The following SYTL2 variants were observed in gnomAD, a reference collection of about 807,000 sequenced individuals.
SYTL2 encodes synaptotagmin like 2.
SYTL2 carries 165 observed loss-of-function variants against 198.7 expected under a neutral mutation model. The ratio of observed to expected loss-of-function variants is 0.83; its 90% confidence interval spans 0.73 to 0.94. The LOEUF is 0.94. Ranked by LOEUF, SYTL2 falls within the 40% of genes least tolerant of loss-of-function variation. SYTL2 has a pLI of 0.00. For synonymous variants in SYTL2, 966 were observed against 917.7 expected (o/e 1.05, Z -0.95); for missense variants, 2,835 against 2,582.8 (o/e 1.10, Z -2.12).
intron 1 of SYTL2, among the ~76,000 whole-genome samples, chr11:85,763,226 A>G (rs2092146900): frequency 6.6e-6 from 1 of 152,220 alleles, no homozygotes; most frequent in Admixed American, 6.5e-5. Context: ...ACAAAGAAGG[A>G]TAAGGAGCAG....
At chr11:85,837,822 C>A in the SYTL2 span, among the ~76,000 whole-genome samples, 1 of 152,250 alleles carries the variant, frequency 6.6e-6, no homozygotes, top group African/African-American at 2.4e-5. Context: ...TTTCTGCAAT[C>A]CCACAATGAT....
intron 7 of SYTL2, among the ~76,000 whole-genome samples, chr11:85,733,205 TA>T (rs1254420002): frequency 1.3e-5 from 2 of 152,216 alleles, no homozygotes; most frequent in African/African-American, 4.8e-5. Flanking sequence ...CTCTTGAGAT[TA>T]CAAGAGAAAC....
intron 9 of SYTL2, chr11:85,719,240 C>T: frequency 2.5e-6 from 3 of 1,194,870 alleles, no homozygotes; most frequent in South Asian, 1.6e-5. Context: ...TGTGTGTGTG[C>T]ATCATCATTC....
chr11:85,842,630 T>C, the SYTL2 span, among the ~76,000 whole-genome samples: 6 of 152,216 alleles, frequency 3.9e-5, no homozygotes, highest in Non-Finnish European at 8.8e-5. Context: ...AGGGTGTTTT[T>C]GGGGGAACCC....
chr11:85,719,455 C>A, intron 9 of SYTL2: 1 of 376,870 alleles, frequency 2.7e-6, no homozygotes, highest in Non-Finnish European at 3.7e-6. Flanking sequence ...ATGGAAATAG[C>A]CCCATGTTTC....
At chr11:85,807,375 T>C (rs2092971888) in intron 1 of SYTL2, among the ~76,000 whole-genome samples, 1 of 152,268 alleles carries the variant, frequency 6.6e-6, no homozygotes, top group Admixed American at 6.5e-5. Flanking sequence ...GATAATGTTT[T>C]ATTGCCTCTA....
intron 15 of SYTL2, among the ~76,000 whole-genome samples, chr11:85,707,121 G>A (rs896588771): frequency 3.3e-5 from 5 of 152,138 alleles, no homozygotes; most frequent in African/African-American, 7.2e-5. Flanking sequence ...GATTACAGGC[G>A]TGAACCACCT....
chr11:85,853,047 A>C, the SYTL2 span: 1 of 297,228 alleles, frequency 3.4e-6, no homozygotes, highest in Admixed American at 5.1e-5. Flanking sequence ...GGAAGTGAGG[A>C]GCGCCTCCGC....
At chr11:85,815,894 T>C (rs2093060678), upstream of SYTL2, among the ~76,000 whole-genome samples, 1 of 152,210 alleles carries the variant, frequency 6.6e-6, no homozygotes, top group Admixed American at 6.5e-5. Context: ...CTGGGCACGG[T>C]GACTCATTCC....
chr11:85,732,794 T>C (rs2089945764), intron 7 of SYTL2, among the ~76,000 whole-genome samples: 1 of 152,190 alleles, frequency 6.6e-6, no homozygotes, highest in African/African-American at 2.4e-5. Context: ...CTATTGTGAA[T>C]TATCCTGACT....
intron 1 of SYTL2, among the ~76,000 whole-genome samples, chr11:85,804,870 A>G (rs2092937238): frequency 6.6e-6 from 1 of 152,206 alleles, no homozygotes; most frequent in African/African-American, 2.4e-5. Context: ...TTCATAACTT[A>G]CCTTGAAGAC....
At chr11:85,849,220 T>C in the SYTL2 span, among the ~76,000 whole-genome samples, 19 of 152,320 alleles carry the variant, frequency 1.2e-4, no homozygotes, top group Admixed American at 6.5e-4. Flanking sequence ...GTTGTGAAAA[T>C]TTTCTCCCAT....
chr11:85,784,452 C>G (rs1209995497), intron 1 of SYTL2, among the ~76,000 whole-genome samples: 1 of 151,944 alleles, frequency 6.6e-6, no homozygotes, highest in Non-Finnish European at 1.5e-5. Context: ...GAAAAAAAAT[C>G]CCATCTAAAG....
intron 7 of SYTL2, among the ~76,000 whole-genome samples, chr11:85,728,522 T>G (rs2089477622): frequency 6.6e-6 from 1 of 152,076 alleles, no homozygotes; most frequent in Non-Finnish European, 1.5e-5. Flanking sequence ...CCTGACCTCA[T>G]GATCCACTCA....
intron 2 of SYTL2, among the ~76,000 whole-genome samples, chr11:85,750,564 T>TGCG (rs1450442514): frequency 4.6e-5 from 7 of 152,196 alleles, no homozygotes; most frequent in Non-Finnish European, 1.0e-4. Context: ...CTCACTAACC[T>TGCG]GTGGTCTTTG....
intron 8 of SYTL2, among the ~76,000 whole-genome samples, chr11:85,722,287 G>C (rs1206889640): frequency 6.9e-6 from 1 of 145,140 alleles, no homozygotes; most frequent in Non-Finnish European, 1.5e-5. Flanking sequence ...ACACCATTCT[G>C]CTGCCTCAGC....
chr11:85,704,481 A>G (rs2084820718), intron 16 of SYTL2, among the ~76,000 whole-genome samples: 1 of 152,196 alleles, frequency 6.6e-6, no homozygotes, highest in East Asian at 1.9e-4. Context: ...CCATGAGGAT[A>G]TAAAAGATTT....
chr11:85,731,674 C>G (rs1037897484), intron 7 of SYTL2, among the ~76,000 whole-genome samples: 1 of 152,110 alleles, frequency 6.6e-6, no homozygotes, highest in South Asian at 2.1e-4. Context: ...TAGGCATGGG[C>G]AAAGACTTCA....
rs112936686 is a variant in SYTL2 at position 85,700,854 on chromosome 11, C to T, written c.6190-261G>A. Among the ~76,000 whole-genome samples, 176 of 152,286 alleles carry T rather than the reference C, an allele frequency of 1.2e-3. 1 individual carries two copies. The highest frequency in any genetic ancestry group is 3.6e-3 in the African/African-American group (151 of 41,554). ...TTAGTCTCAAAGATGGTGAAGAAAC[C>T]AGAATGGCTTTCTTGGAGATGGGAG... On this transcript the variant is annotated intron_variant, in intron 16 of 19. Coordinates refer to ENST00000359152, the MANE Select transcript of SYTL2 (RefSeq NM_206927.4).
Sources: allele counts gnomAD v4.1 joint callset (sites outside exome capture counted in the v4.1 genomes callset), GRCh38; gene constraint gnomAD v4.1.1; transcripts MANE v1.5; gene names NCBI Gene and HGNC (gene_info 2026-07-23, HGNC 2026-07-21).